The following ANK2 variants were observed in gnomAD, a reference collection of about 807,000 sequenced individuals.
ANK2 encodes the protein ankyrin 2.
In ANK2, 83 loss-of-function variants were observed where a neutral mutation model predicts 360.5. That is an observed-to-expected ratio of 0.23 (90% confidence interval 0.19 to 0.28). The LOEUF (loss-of-function observed/expected upper bound fraction) is 0.28, where lower values mean the gene tolerates loss of function less well. ANK2 is among the 10% of genes least tolerant of loss of function. The pLI, the probability that ANK2 is intolerant of heterozygous loss-of-function variation, is 1.00. For synonymous variants in ANK2, 1,740 were observed against 1,759.5 expected (o/e 0.99, Z 0.28); for missense variants, 4,201 against 4,795.7 (o/e 0.88, Z 3.66).
chr4:113,197,795 C>A (rs561673143), intron 3 of ANK2, among the ~76,000 whole-genome samples: 1 of 152,172 alleles, frequency 6.6e-6, no homozygotes, highest in Non-Finnish European at 1.5e-5. Context: ...TTTCTTACTT[C>A]GAACATAAAG....
intron 1 of ANK2, chr4:112,881,703 T>C (rs564698003): frequency 3.9e-6 from 2 of 511,320 alleles, no homozygotes; most frequent in African/African-American, 1.9e-5. Flanking sequence ...TTCTCGAGTT[T>C]TTTGCCCATA....
At chr4:112,711,422 C>T in the ANK2 span, among the ~76,000 whole-genome samples, 2 of 152,118 alleles carry the variant, frequency 1.3e-5, no homozygotes, top group African/African-American at 4.8e-5. Flanking sequence ...ACTTGGGAAG[C>T]TGAGGTGGGA....
chr4:113,151,681 AT>A (rs2097092086), intron 1 of ANK2, among the ~76,000 whole-genome samples: 3 of 152,150 alleles, frequency 2.0e-5, no homozygotes. Flanking sequence ...TATAAAACAT[AT>A]TTACTATAGA....
chr4:113,367,832 G>C lies in ANK2; in HGVS notation c.11299G>C (p.Glu3767Gln). Residue 3767 changes from glutamate to glutamine, a missense_variant, in exon 42 of 46, where the codon GAA becomes CAA. Physicochemically the swap from Glu to Gln is conservative, Grantham distance 29. Coordinates refer to ENST00000357077, the MANE Select transcript of ANK2 (RefSeq NM_001148.6). ...MQDLPEESSL[E>Q]YQQEYFVTTP... is the part of the protein sequence containing the mutation. ...AGACCTGCCTGAAGAGTCATCTCTG[G>C]AATATCAGCAGGAATATTTGTGAGT... The C allele has an allele frequency of 6.2e-7, 1 of 1,614,052 alleles. No homozygotes were observed. Among genetic ancestry groups the C allele is most frequent in the East Asian group, 2.2e-5 (1 of 44,862 alleles).
intron 1 of ANK2, among the ~76,000 whole-genome samples, chr4:113,144,215 G>A (rs1225814795): frequency 4.6e-5 from 7 of 152,186 alleles, no homozygotes; most frequent in Non-Finnish European, 8.8e-5. Flanking sequence ...TGGATTGTAA[G>A]GATAGGAACT....
chr4:113,377,158 C>T (rs1054784944), intron 45 of ANK2, among the ~76,000 whole-genome samples: 4 of 151,592 alleles, frequency 2.6e-5, no homozygotes, highest in Non-Finnish European at 5.9e-5. Flanking sequence ...ATGTATTTAC[C>T]GTACATAAAC....
chr4:112,813,546 TA>T (rs1206483490), upstream of ANK2, among the ~76,000 whole-genome samples: 8 of 146,410 alleles, frequency 5.5e-5, 1 homozygote, highest in Admixed American at 2.0e-4. Context: ...TTTATTTATT[TA>T]TTTATTGAGA....
intron 1 of ANK2, among the ~76,000 whole-genome samples, chr4:113,153,542 C>T (rs1417564786): frequency 1.3e-5 from 2 of 152,122 alleles, no homozygotes; most frequent in Non-Finnish European, 2.9e-5. Context: ...ACAGATTTGT[C>T]TATACCATCT....
At chr4:113,049,645 C>G, upstream of ANK2, 1 of 1,404,900 alleles carries the variant, frequency 7.1e-7, no homozygotes, top group Non-Finnish European at 9.5e-7. Context: ...CTCCTGCTTT[C>G]CTCCAGTAAG....
chr4:113,049,240 T>C (rs756172408), upstream of ANK2, among the ~76,000 whole-genome samples: 8 of 152,202 alleles, frequency 5.3e-5, no homozygotes, highest in Non-Finnish European at 1.0e-4. Context: ...AGGATATTAA[T>C]AACCAATCCT....
chr4:112,758,878 T>A, the ANK2 span, among the ~76,000 whole-genome samples: 10 of 152,162 alleles, frequency 6.6e-5, no homozygotes. Context: ...AGTGGCCACT[T>A]TGGGGATGAG....
At chr4:113,014,027 A>G (rs2154293669) in intron 2 of ANK2, among the ~76,000 whole-genome samples, 1 of 152,290 alleles carries the variant, frequency 6.6e-6, no homozygotes, top group African/African-American at 2.4e-5. Flanking sequence ...AAATAACTAC[A>G]TATTTTTAAC....
intron 17 of ANK2, among the ~76,000 whole-genome samples, chr4:113,280,422 A>G (rs1430329903): frequency 6.6e-6 from 1 of 152,128 alleles, no homozygotes; most frequent in Admixed American, 6.5e-5. Context: ...CCACAGTAGG[A>G]TGGGTATTCT....
intron 9 of ANK2, among the ~76,000 whole-genome samples, chr4:113,246,186 A>G (rs955403019): frequency 6.6e-6 from 1 of 152,224 alleles, no homozygotes; most frequent in Non-Finnish European, 1.5e-5. Context: ...AACCACAAAT[A>G]TTCTGAATTT....
the ANK2 span, among the ~76,000 whole-genome samples, chr4:112,710,981 T>C: frequency 6.7e-6 from 1 of 149,674 alleles, no homozygotes; most frequent in African/African-American, 2.4e-5. Flanking sequence ...ATAGAGGTGA[T>C]ATTTTACTAT....
intron 2 of ANK2, among the ~76,000 whole-genome samples, chr4:113,185,246 G>A (rs768582472): frequency 1.4e-4 from 22 of 152,112 alleles, no homozygotes; most frequent in Non-Finnish European, 2.5e-4. Context: ...GGGTCAAATG[G>A]TTTGGTTCTA....
chr4:113,028,099 A>G (rs948986554), intron 2 of ANK2, among the ~76,000 whole-genome samples: 2 of 152,118 alleles, frequency 1.3e-5, no homozygotes, highest in African/African-American at 4.8e-5. Context: ...CTTGGTGGCA[A>G]TGGTAAACAA....
chr4:113,353,775 A>G lies in ANK2; in HGVS notation c.5157A>G (p.Leu1719=). The change falls in exon 38 of 46, where the codon TTA becomes TTG. Residue 1719 remains leucine, a synonymous_variant. Coordinates refer to ENST00000357077, the MANE Select transcript of ANK2 (RefSeq NM_001148.6). ...AGCAGAAACAAAAAGAGGAAGGTTT[A>G]CAAGCTAGTGCAGAGAAAGCTGAAC... ...KEKQKQKEEG[L]QASAEKAELK... 1.2e-6 allele frequency: 2 copies of G among 1,613,990 alleles called. No individual in the cohort carries two copies. The highest frequency in any genetic ancestry group is 1.7e-6 in the Non-Finnish European group (2 of 1,179,980).
Position 113,367,513 on chromosome 4 carries a change from T to C in ANK2, c.11033-53T>C. The C allele has an allele frequency of 2.7e-6, 4 of 1,506,956 alleles. No homozygotes were observed. The South Asian group carries it at 3.4e-5, about 13-fold the overall frequency. 93.3% of individuals were successfully genotyped at this position (1,506,956 alleles called of 1,614,324 possible). On this transcript the variant is annotated intron_variant, in intron 41 of 45. Transcript: ENST00000357077. ...TCTTATATTTATTACTTAATAAATATCCATTCAATATAGGTAAGCTTCAAC... is the reference window on the plus strand; with the variant it reads ...TCTTATATTTATTACTTAATAAATACCCATTCAATATAGGTAAGCTTCAAC...
Sources: allele counts gnomAD v4.1 joint callset (sites outside exome capture counted in the v4.1 genomes callset), GRCh38; gene constraint gnomAD v4.1.1; transcripts MANE v1.5; gene names NCBI Gene and HGNC (gene_info 2026-07-23, HGNC 2026-07-21).